PCDH9: variants seen among roughly 807,000 people sequenced by gnomAD.
PCDH9 encodes protocadherin-9.
PCDH9 carries 24 observed loss-of-function variants against 70.6 expected under a neutral mutation model. That is an observed-to-expected ratio of 0.34 (90% CI 0.25 to 0.48). The LOEUF (loss-of-function observed/expected upper bound fraction) is 0.48, where lower values mean the gene tolerates loss of function less well. Ranked by LOEUF, PCDH9 falls within the 20% of genes least tolerant of loss-of-function variation. The pLI, the probability that PCDH9 is intolerant of heterozygous loss-of-function variation, is 0.99. For missense variants in PCDH9, 1,281 were observed against 1,503.6 expected, an observed-to-expected ratio of 0.85 and a Z score of 2.45; for synonymous variants, 562 against 558.5, an observed-to-expected ratio of 1.01 and a Z score of -0.09.
At chr13:67,036,950 G>T (rs2085021126) in intron 2 of PCDH9, among the ~76,000 whole-genome samples, 1 of 152,128 alleles carries the variant, frequency 6.6e-6, no homozygotes, top group East Asian at 1.9e-4. Context: ...GGATGAAATG[G>T]ACATTTATGA....
chr13:67,098,726 T>C (rs1268588557), intron 2 of PCDH9, among the ~76,000 whole-genome samples: 2 of 150,122 alleles, frequency 1.3e-5, no homozygotes, highest in Non-Finnish European at 3.0e-5. Context: ...TAAAGAATAA[T>C]GCAAAATAAT....
At chr13:67,104,159 G>A (rs1240656894) in intron 2 of PCDH9, among the ~76,000 whole-genome samples, 1 of 152,106 alleles carries the variant, frequency 6.6e-6, no homozygotes, top group African/African-American at 2.4e-5. Flanking sequence ...TACAATCTGG[G>A]TCCTGGAGTT....
intron 4 of PCDH9, among the ~76,000 whole-genome samples, chr13:66,309,044 A>G (rs973922295): frequency 5.4e-4 from 82 of 152,058 alleles, no homozygotes; most frequent in African/African-American, 2.0e-3. Context: ...TAATTTTTGT[A>G]GTTACATGGT....
At chr13:66,349,611 G>A (rs1002041715) in intron 4 of PCDH9, among the ~76,000 whole-genome samples, 1 of 152,150 alleles carries the variant, frequency 6.6e-6, no homozygotes, top group Admixed American at 6.6e-5. Flanking sequence ...AAAAGCAACT[G>A]ATGAGAGTAC....
At chr13:66,337,933 C>T (rs1294950750) in intron 4 of PCDH9, among the ~76,000 whole-genome samples, 1 of 151,998 alleles carries the variant, frequency 6.6e-6, no homozygotes, top group Non-Finnish European at 1.5e-5. Flanking sequence ...GAATAACATA[C>T]ACTACAATGA....
In PCDH9 at chr13:66,981,121, A is replaced by G. The variant is rs74978007; in HGVS notation, c.3037-77516T>C. ...GTCCATAAAGACATTTACAGAATAT[A>G]ATAAAATAAGACTAAGCATGAAATA... is the stretch of plus-strand genomic sequence containing the variant. On this transcript the variant is annotated intron_variant, in intron 2 of 4. Transcript: ENST00000377865. Among the ~76,000 whole-genome samples, 1,225 of 152,326 alleles carry G rather than the reference A, an allele frequency of 8.0e-3. 22 individuals carry two copies. The highest frequency in any genetic ancestry group is 0.028 in the African/African-American group (1,175 of 41,580).
At chr13:66,985,923 T>C (rs1008476611) in intron 2 of PCDH9, 10 of 152,074 alleles carry the variant, frequency 6.6e-5, no homozygotes, top group African/African-American at 2.4e-4. Flanking sequence ...ATTATATCCA[T>C]TCTCTTAGCC....
chr13:67,151,338 T>C (rs917165688), intron 2 of PCDH9, among the ~76,000 whole-genome samples: 6 of 152,326 alleles, frequency 3.9e-5, no homozygotes, highest in Middle Eastern at 6.8e-3. Flanking sequence ...TGTTCCTCTT[T>C]AGGGATATTA....
intron 2 of PCDH9, among the ~76,000 whole-genome samples, chr13:67,011,714 A>G (rs1386287915): frequency 6.6e-6 from 1 of 151,916 alleles, no homozygotes; most frequent in Non-Finnish European, 1.5e-5. Flanking sequence ...ACCTATTTGG[A>G]GTGAGTCATG....
In PCDH9 at chr13:66,885,813, C is replaced by A. The variant is rs78369474; in HGVS notation, c.3138+17691G>T. Among the ~76,000 whole-genome samples, 978 of 152,224 alleles carry A rather than the reference C, an allele frequency of 6.4e-3. 10 individuals are homozygous for A. Among genetic ancestry groups the A allele is most frequent in the African/African-American group, 0.023 (937 of 41,532 alleles). ...ATAGTAAATGGAGATCTCTGCTGGG[C>A]TCCAAATACCTTAGACCCAGAAATA... On this transcript the variant is annotated intron_variant, in intron 3 of 4. Transcript: ENST00000377865.
chr13:66,671,018 G>T lies in PCDH9; in HGVS notation c.3139-39607C>A, dbSNP rs188156861. ...GCTCCACATGTCATGGGAGGGACCT[G>T]TTGGGAGGTAATTGAATCATGGGTT... On this transcript the variant is annotated intron_variant, in intron 3 of 4. Transcript: ENST00000377865. Among the ~76,000 whole-genome samples, 6 of 151,822 alleles carry T rather than the reference G, an allele frequency of 4.0e-5. No individual in the cohort carries two copies. The East Asian group carries it at 9.7e-4, about 25-fold the overall frequency.
intron 3 of PCDH9, among the ~76,000 whole-genome samples, chr13:66,783,201 C>T (rs1198329661): frequency 6.6e-6 from 1 of 152,142 alleles, no homozygotes; most frequent in Admixed American, 6.6e-5. Flanking sequence ...GTGCTGTTCT[C>T]CAGACTCTGC....
intron 2 of PCDH9, among the ~76,000 whole-genome samples, chr13:66,970,465 A>G (rs1207083312): frequency 6.6e-6 from 1 of 151,206 alleles, no homozygotes; most frequent in African/African-American, 2.4e-5. Flanking sequence ...CCCCATCTCT[A>G]CAAAAAAAAT....
At chr13:66,612,749 G>A (rs1593777390) in intron 4 of PCDH9, among the ~76,000 whole-genome samples, 1 of 152,050 alleles carries the variant, frequency 6.6e-6, no homozygotes, top group East Asian at 1.9e-4. Flanking sequence ...CTTTTCCTGT[G>A]TGGAATCTAG....
intron 3 of PCDH9, among the ~76,000 whole-genome samples, chr13:66,837,969 A>G (rs2139422819): frequency 6.6e-6 from 1 of 152,300 alleles, no homozygotes; most frequent in South Asian, 2.1e-4. Context: ...GAAATTGAAC[A>G]CTAAATTTTC....
intron 4 of PCDH9, among the ~76,000 whole-genome samples, chr13:66,432,100 G>C (rs190635897): frequency 6.6e-6 from 1 of 151,908 alleles, no homozygotes; most frequent in Non-Finnish European, 1.5e-5. Context: ...GCTAAACTGG[G>C]TATATTTAAA....
Position 67,227,079 on chromosome 13 carries a change from C to G in PCDH9, c.1362G>C (p.Leu454=), listed in dbSNP as rs1860777797. Residue 454 remains leucine (L), a synonymous_variant, in exon 2 of 5, where the codon CTG becomes CTC. Coordinates refer to ENST00000377865, the MANE Select transcript of PCDH9 (RefSeq NM_203487.3). The surrounding 1 kb of genome is among the most constrained non-coding windows in gnomAD (Gnocchi z 4.6). ...SGKPSLNQTA[L]VRVKLEDEND... is the part of the protein sequence containing the mutation. Reference sequence around the variant, plus strand: ...TTTCATCCTCAAGCTTAACCCTTACCAGGGCAGTCTGATTTAAACTGGGCT... The same window carrying G: ...TTTCATCCTCAAGCTTAACCCTTACGAGGGCAGTCTGATTTAAACTGGGCT... 11 of 1,613,982 alleles carry G rather than the reference C, an allele frequency of 6.8e-6. No individual in the cohort carries two copies. Among genetic ancestry groups the G allele is most frequent in the Non-Finnish European group, 9.3e-6 (11 of 1,180,012 alleles).
In PCDH9 at chr13:67,227,265, G is replaced by A. The variant is rs151269876; in HGVS notation, c.1176C>T (p.Asp392=). Residue 392 remains aspartate (D), a synonymous_variant, in exon 2 of 5, where the codon GAC becomes GAT. Transcript: ENST00000377865. The surrounding 1 kb of genome is among the most constrained non-coding windows in gnomAD (Gnocchi z 4.6). The stretch of plus-strand genomic sequence containing the variant: ...AGATCACTTTGCCATTCACATCTGT[G>A]TCCTTATCTGAAACTGTAATTAGGG... ...KIALITVSDK[D]TDVNGKVICF... 1.2e-5 allele frequency: 20 copies of A among 1,612,718 alleles called. No individual in the cohort carries two copies. Among genetic ancestry groups the A allele is most frequent in the Non-Finnish European group, 1.6e-5 (19 of 1,178,812 alleles).
At chr13:66,832,350 T>G (rs865917283) in intron 3 of PCDH9, among the ~76,000 whole-genome samples, 1 of 152,216 alleles carries the variant, frequency 6.6e-6, no homozygotes, top group South Asian at 2.1e-4. Context: ...TAAAACACAC[T>G]GCAAAAATTT....
Sources: gnomAD v4.1 joint callset for allele counts (sites outside exome capture counted in the v4.1 genomes callset) on GRCh38, gnomAD v4.1.1 for gene constraint, Gnocchi (gnomAD v3.1) non-coding constraint, MANE v1.5 for transcripts, NCBI Gene and HGNC (gene_info 2026-07-23, HGNC 2026-07-21) for gene names.